The following SLC71A2 variants were observed in gnomAD, a reference collection of about 807,000 sequenced individuals.
SLC71A2 encodes solute carrier family 71 member 2.
At chr9:94,454,576 G>T in the SLC71A2 span, among the ~76,000 whole-genome samples, 4 of 148,304 alleles carry the variant, frequency 2.7e-5, no homozygotes, top group African/African-American at 1.1e-4. Flanking sequence ...ATGTTGGCCA[G>T]GCTGGTCTCA....
chr9:94,458,790 CTATT>C, the SLC71A2 span, among the ~76,000 whole-genome samples: 2 of 152,046 alleles, frequency 1.3e-5, no homozygotes, highest in African/African-American at 4.8e-5. Flanking sequence ...ACTTTTTGTA[CTATT>C]TATTTGAAAT....
At chr9:94,386,268 G>A in the SLC71A2 span, among the ~76,000 whole-genome samples, 5 of 4,546 alleles carry the variant, frequency 1.1e-3, no homozygotes, top group East Asian at 7.6e-3. Context: ...AGAACATATC[G>A]TGTTTGTATC....
At chr9:94,442,811 C>T in the SLC71A2 span, among the ~76,000 whole-genome samples, 5 of 151,384 alleles carry the variant, frequency 3.3e-5, no homozygotes, top group Non-Finnish European at 5.9e-5. Context: ...GATCGCGCCA[C>T]TACACTCCAG....
the SLC71A2 span, among the ~76,000 whole-genome samples, chr9:94,446,026 A>G: frequency 1.3e-5 from 2 of 152,178 alleles, no homozygotes; most frequent in Non-Finnish European, 2.9e-5. Context: ...CTTTGTAGTG[A>G]TCAAGTTATG....
the SLC71A2 span, among the ~76,000 whole-genome samples, chr9:94,388,389 T>G: frequency 6.6e-6 from 1 of 152,186 alleles, no homozygotes; most frequent in African/African-American, 2.4e-5. Flanking sequence ...CCCATTGACC[T>G]GGCAATCACT....
At chr9:94,383,650 G>A in the SLC71A2 span, among the ~76,000 whole-genome samples, 1 of 152,150 alleles carries the variant, frequency 6.6e-6, no homozygotes, top group Non-Finnish European at 1.5e-5. Flanking sequence ...GTGATTCTGG[G>A]TCTTTGCATT....
chr9:94,394,789 T>C, the SLC71A2 span, among the ~76,000 whole-genome samples: 2 of 139,690 alleles, frequency 1.4e-5, no homozygotes, highest in African/African-American at 2.6e-5. Context: ...ATAAGTGATA[T>C]AGGCAAAAAA....
At chr9:94,407,233 G>C in the SLC71A2 span, among the ~76,000 whole-genome samples, 1 of 151,604 alleles carries the variant, frequency 6.6e-6, no homozygotes, top group Non-Finnish European at 1.5e-5. Context: ...GTTTTCATAG[G>C]TGAACTGTTA....
chr9:94,431,564 A>C, the SLC71A2 span, among the ~76,000 whole-genome samples: 2 of 152,028 alleles, frequency 1.3e-5, no homozygotes, highest in Non-Finnish European at 1.5e-5. Flanking sequence ...AAGCCAAGTT[A>C]AAATGCCCAA....
At chr9:94,400,150 A>C in the SLC71A2 span, among the ~76,000 whole-genome samples, 1 of 152,002 alleles carries the variant, frequency 6.6e-6, no homozygotes, top group Non-Finnish European at 1.5e-5. Flanking sequence ...TTGCCTACTG[A>C]AGAGAATGGG....
At chr9:94,374,857 C>G in the SLC71A2 span, 2 of 969,794 alleles carry the variant, frequency 2.1e-6, no homozygotes, top group Non-Finnish European at 2.7e-6. Flanking sequence ...GAGGAGAAGG[C>G]GGCGTCGGAG....
At chr9:94,445,473 CAA>C in the SLC71A2 span, among the ~76,000 whole-genome samples, 1 of 152,030 alleles carries the variant, frequency 6.6e-6, no homozygotes, top group Non-Finnish European at 1.5e-5. Flanking sequence ...CCTTTTTAAA[CAA>C]AATAAGTGAA....
chr9:94,415,203 A>G, the SLC71A2 span: 4 of 1,613,916 alleles, frequency 2.5e-6, no homozygotes, highest in South Asian at 3.3e-5. Flanking sequence ...TGCTATTGTC[A>G]TCTTCCTTGA....
At chr9:94,400,898 C>T in the SLC71A2 span, among the ~76,000 whole-genome samples, 1 of 152,196 alleles carries the variant, frequency 6.6e-6, no homozygotes, top group Admixed American at 6.5e-5. Flanking sequence ...CCAGCTACCA[C>T]TGATCTGGTA....
At chr9:94,459,322 T>G in the SLC71A2 span, 1 of 1,614,012 alleles carries the variant, frequency 6.2e-7, no homozygotes, top group South Asian at 1.1e-5. Context: ...AACGGGGCAG[T>G]GATGAGGACA....
the SLC71A2 span, among the ~76,000 whole-genome samples, chr9:94,453,148 CTTTTTT>C: frequency 9.6e-5 from 12 of 124,778 alleles, no homozygotes; most frequent in African/African-American, 2.9e-4. Flanking sequence ...ACTCAGCCAT[CTTTTTT>C]TTTTTTTTTT....
the SLC71A2 span, among the ~76,000 whole-genome samples, chr9:94,430,254 G>A: frequency 4.3e-5 from 6 of 140,738 alleles, no homozygotes; most frequent in Non-Finnish European, 6.1e-5. Flanking sequence ...ATGGAGTCTC[G>A]CTCTGTTGCC....
chr9:94,445,026 C>T, the SLC71A2 span: 14 of 1,614,178 alleles, frequency 8.7e-6, no homozygotes, highest in African/African-American at 1.2e-4. Context: ...ATCTTTCTGC[C>T]AGTTACGGAG....
chr9:94,380,202 C>G, the SLC71A2 span, among the ~76,000 whole-genome samples: 1 of 152,016 alleles, frequency 6.6e-6, no homozygotes, highest in South Asian at 2.1e-4. Context: ...GGGAGGTGGA[C>G]CACGCTTGCA....
Sources: allele counts gnomAD v4.1 joint callset (sites outside exome capture counted in the v4.1 genomes callset), GRCh38; gene constraint gnomAD v4.1.1; transcripts MANE v1.5; gene names NCBI Gene and HGNC (gene_info 2026-07-23, HGNC 2026-07-21).